Variants in JADE3 observed in about 807,000 individuals in gnomAD.
JADE3 encodes protein Jade-3.
Under a neutral mutation model 50.1 loss-of-function variants are expected in JADE3, and 2 were observed. That is an observed-to-expected ratio of 0.04 (90% CI 0.02 to 0.13). The LOEUF (loss-of-function observed/expected upper bound fraction) is 0.13, where lower values mean the gene tolerates loss of function less well. JADE3 is among the 10% of genes least tolerant of loss of function. JADE3 has a pLI of 1.00. For missense variants in JADE3, 475 were observed against 634.4 expected (o/e 0.75, Z 2.70); for synonymous variants, 218 against 232.9 (o/e 0.94, Z 0.58).
At chrX:46,917,497 C>T in intron 1 of JADE3, among the ~76,000 whole-genome samples, 1 of 110,725 alleles carries the variant, frequency 9.0e-6, no homozygotes, top group Middle Eastern at 4.7e-3. Flanking sequence ...TAGAATGTCC[C>T]TGTGAGGGAG....
intron 4 of JADE3, among the ~76,000 whole-genome samples, chrX:47,020,813 C>T (rs1928777796): frequency 1.8e-5 from 2 of 112,054 alleles, no homozygotes; most frequent in Non-Finnish European, 3.8e-5. Context: ...ATCTGCCACC[C>T]AGATGGGGAA....
At chrX:47,039,657 T>C (rs1422047892) in intron 8 of JADE3, among the ~76,000 whole-genome samples, 1 of 111,617 alleles carries the variant, frequency 9.0e-6, no homozygotes, top group Non-Finnish European at 1.9e-5. Context: ...GAACATGTGG[T>C]ATTTGGTTTT....
chrX:47,007,615 A>G (rs1163095266), intron 4 of JADE3, among the ~76,000 whole-genome samples: 1 of 111,465 alleles, frequency 9.0e-6, no homozygotes, highest in Non-Finnish European at 1.9e-5. Flanking sequence ...TGATGTTTGC[A>G]TCATATGTCT....
intron 8 of JADE3, among the ~76,000 whole-genome samples, chrX:47,044,781 T>C (rs1177490592): frequency 1.8e-5 from 2 of 111,848 alleles, no homozygotes; most frequent in Non-Finnish European, 3.8e-5. Context: ...GTTAAGGGGA[T>C]GAAGTTGAAG....
At chrX:47,005,613 A>G (rs1928396933) in intron 4 of JADE3, among the ~76,000 whole-genome samples, 1 of 112,029 alleles carries the variant, frequency 8.9e-6, no homozygotes, top group South Asian at 3.7e-4. Context: ...GGCCACCCCA[A>G]CCTTCTCCAG....
At chrX:47,046,597 G>A (rs1255305079) in intron 8 of JADE3, among the ~76,000 whole-genome samples, 2 of 112,183 alleles carry the variant, frequency 1.8e-5, no homozygotes, top group Non-Finnish European at 3.8e-5. Context: ...CTACAGGCCA[G>A]TATTCTGGAT....
At chrX:46,918,105 G>A (rs1178674166) in intron 1 of JADE3, among the ~76,000 whole-genome samples, 1 of 111,403 alleles carries the variant, frequency 9.0e-6, no homozygotes, top group Non-Finnish European at 1.9e-5. Context: ...GGAAGAAGCT[G>A]GTCCTTCAGA....
chrX:46,990,227 A>G (rs1556355595), intron 3 of JADE3, among the ~76,000 whole-genome samples: 2 of 111,686 alleles, frequency 1.8e-5, no homozygotes, highest in Non-Finnish European at 3.8e-5. Flanking sequence ...AGTTCTTAGT[A>G]TGATGAGTGA....
At chrX:47,034,184 TG>T (rs1290889511) in intron 7 of JADE3, among the ~76,000 whole-genome samples, 6 of 110,870 alleles carry the variant, frequency 5.4e-5, no homozygotes, top group African/African-American at 2.0e-4. Context: ...AAATTTTAAG[TG>T]TAGAGTTTTG....
intron 1 of JADE3, among the ~76,000 whole-genome samples, chrX:46,980,965 C>T (rs1965021353): frequency 9.0e-6 from 1 of 111,167 alleles, no homozygotes; most frequent in Non-Finnish European, 1.9e-5. Context: ...GAATGAGATG[C>T]GATGACAGAA....
chrX:47,059,336 A>G lies in JADE3; in HGVS notation c.*259A>G, dbSNP rs140556609. 3,481 of 307,925 alleles carry G rather than the reference A, an allele frequency of 0.011. 56 individuals are homozygous for G. The highest frequency in any genetic ancestry group is 0.045 in the East Asian group (873 of 19,368). The allele number at this position is 307,925 out of a possible 1,213,427, so 25.4% of individuals were successfully genotyped here. A position where few individuals can be genotyped will look rare whatever the true frequency, so the allele number is the denominator to read the frequency against. Reference sequence around the variant, plus strand: ...GCTGGGCCCAGGGTATTTGCTCAGTAAATATTTTGGGGCAGCTTTCCGGTT... The same window carrying G: ...GCTGGGCCCAGGGTATTTGCTCAGTGAATATTTTGGGGCAGCTTTCCGGTT... On this transcript the variant is annotated 3_prime_UTR_variant, in exon 11 of 11. Coordinates refer to ENST00000614628, the MANE Select transcript of JADE3 (RefSeq NM_014735.5).
At chrX:46,924,371 G>A (rs1926309485) in intron 1 of JADE3, among the ~76,000 whole-genome samples, 1 of 112,341 alleles carries the variant, frequency 8.9e-6, no homozygotes, top group African/African-American at 3.2e-5. Context: ...CGGATCCTGT[G>A]TCTCCCTGCG....
chrX:47,050,708 A>G (rs4824417), intron 8 of JADE3, among the ~76,000 whole-genome samples: 38,738 of 110,722 alleles, frequency 0.35, 7,925 homozygotes, highest in African/African-American at 0.77. Context: ...TTCTATAAAC[A>G]TTCTATAAAT....
At chrX:46,975,033 A>G (rs1927580553) in intron 1 of JADE3, among the ~76,000 whole-genome samples, 1 of 50,464 alleles carries the variant, frequency 2.0e-5, no homozygotes, top group Non-Finnish European at 3.7e-5. Flanking sequence ...ATGTCTCCAG[A>G]TATTGCCAAA....
chrX:46,999,706 G>A (rs906521511), intron 4 of JADE3, among the ~76,000 whole-genome samples: 2 of 109,976 alleles, frequency 1.8e-5, no homozygotes, highest in Non-Finnish European at 3.8e-5. Flanking sequence ...TTAGAAAGAG[G>A]AGAGAAGGAC....
intron 1 of JADE3, among the ~76,000 whole-genome samples, chrX:46,969,329 T>C: frequency 8.9e-6 from 1 of 111,747 alleles, no homozygotes; most frequent in South Asian, 3.8e-4. Flanking sequence ...GGCACGAGAA[T>C]TGCTTTAACC....
At chrX:46,980,824 C>T (rs1927732026) in intron 1 of JADE3, among the ~76,000 whole-genome samples, 1 of 111,320 alleles carries the variant, frequency 9.0e-6, no homozygotes, top group Admixed American at 9.6e-5. Context: ...TCTCTGCAAC[C>T]TATGAATATG....
chrX:46,968,026 C>A (rs781902448), intron 1 of JADE3, among the ~76,000 whole-genome samples: 39 of 111,192 alleles, frequency 3.5e-4, no homozygotes, highest in African/African-American at 1.2e-3. Context: ...TCTTCTGGGC[C>A]CACAGATAGG....
At chrX:47,034,766 ATTT>A (rs59276816) in intron 7 of JADE3, among the ~76,000 whole-genome samples, 1 of 89,118 alleles carries the variant, frequency 1.1e-5, no homozygotes, top group Non-Finnish European at 2.2e-5. Flanking sequence ...TGCCTGGCTA[ATTT>A]TTTTTTTTTT....
Sources: gnomAD v4.1 joint callset for allele counts (sites outside exome capture counted in the v4.1 genomes callset) on GRCh38, gnomAD v4.1.1 for gene constraint, MANE v1.5 for transcripts, NCBI Gene and HGNC (gene_info 2026-07-23, HGNC 2026-07-21) for gene names.